Variants in PIAS2 observed in about 807,000 individuals in gnomAD.
The protein encoded by PIAS2 is E3 SUMO-protein ligase PIAS2.
PIAS2 carries 19 observed loss-of-function variants against 69.7 expected under a neutral mutation model. The observed-to-expected ratio is 0.27, with a 90% CI of 0.19 to 0.40. The LOEUF (loss-of-function observed/expected upper bound fraction) is 0.40, where lower values mean the gene tolerates loss of function less well. Among genes scored for constraint, PIAS2 ranks in the 10% least tolerant of loss-of-function variants. PIAS2 has a pLI of 1.00. For synonymous variants in PIAS2, 261 were observed against 263.2 expected, an observed-to-expected ratio of 0.99 and a Z score of 0.08; for missense variants, 624 against 757.0, an observed-to-expected ratio of 0.82 and a Z score of 2.06.
Position 46,850,962 on chromosome 18 carries a change from C to T in PIAS2, c.727-4121G>A, listed in dbSNP as rs1270644262. Among the ~76,000 whole-genome samples, 3 of 152,186 alleles carry T rather than the reference C, an allele frequency of 2.0e-5. No homozygotes were observed. In the East Asian group the frequency reaches 5.8e-4, roughly 29 times the overall value. On this transcript the variant is annotated intron_variant, in intron 5 of 13. Transcript: ENST00000585916. ...GGCTTTAGTATAATTATTATAAGCA[C>T]ACTTACATATTTGATAGTTTTGAGT...
chr18:46,869,183 A>T (rs2049947665), intron 2 of PIAS2, among the ~76,000 whole-genome samples: 1 of 152,226 alleles, frequency 6.6e-6, no homozygotes, highest in Non-Finnish European at 1.5e-5. Flanking sequence ...CGATGCTAAG[A>T]GGGACTTAAA....
chr18:46,878,080 T>A (rs1297477219), intron 2 of PIAS2, among the ~76,000 whole-genome samples: 2 of 152,224 alleles, frequency 1.3e-5, no homozygotes, highest in African/African-American at 2.4e-5. Context: ...TTTTCCTCTT[T>A]ATAAATTTTT....
chr18:46,895,075 GA>G (rs112927638), intron 1 of PIAS2, among the ~76,000 whole-genome samples: 1,392 of 121,466 alleles, frequency 0.011, 8 homozygotes, highest in African/African-American at 0.027. Flanking sequence ...CTCCATCTCG[GA>G]AAAAAAAAAA....
At chr18:46,872,089 G>A (rs966612506) in intron 2 of PIAS2, among the ~76,000 whole-genome samples, 12 of 152,118 alleles carry the variant, frequency 7.9e-5, no homozygotes, top group East Asian at 5.8e-4. Flanking sequence ...TGTAGTCGAA[G>A]GTCTCATTCA....
At chr18:46,916,980 T>G (rs545061490) in intron 1 of PIAS2, 1 of 985,900 alleles carries the variant, frequency 1.0e-6, no homozygotes, top group Admixed American at 6.1e-5. Flanking sequence ...AGATCAAACG[T>G]TGCTTCCCAC....
At chr18:46,887,678 T>C (rs536268897) in intron 2 of PIAS2, among the ~76,000 whole-genome samples, 21 of 152,284 alleles carry the variant, frequency 1.4e-4, no homozygotes, top group Non-Finnish European at 2.4e-4. Flanking sequence ...AAATTAAATA[T>C]AAAAGGTTTA....
In PIAS2 at chr18:46,890,965, C is replaced by G; in HGVS notation, c.114G>C (p.Leu38=). The change falls in exon 2 of 14, where the codon CTG becomes CTC. Residue 38 remains leucine, a synonymous_variant. Coordinates refer to ENST00000585916, the MANE Select transcript of PIAS2 (RefSeq NM_004671.5). ...TCTTCAATAAATGCAGCGCCCTCAT[C>G]AGGAGGTCATGCTTGCGTCCACTTT... ...RNKSGRKHDL[L]MRALHLLKSG... 1 of 1,614,144 alleles carries G rather than the reference C, an allele frequency of 6.2e-7. No homozygotes were observed. Among genetic ancestry groups the G allele is most frequent in the Non-Finnish European group, 8.5e-7 (1 of 1,180,022 alleles).
intron 9 of PIAS2, among the ~76,000 whole-genome samples, chr18:46,833,959 C>G (rs951613896): frequency 5.3e-5 from 8 of 152,136 alleles, no homozygotes; most frequent in Non-Finnish European, 1.0e-4. Flanking sequence ...GTTCCTTCCT[C>G]ATCCCCAATT....
intron 9 of PIAS2, among the ~76,000 whole-genome samples, chr18:46,831,860 A>G (rs1290176163): frequency 6.6e-6 from 1 of 152,192 alleles, no homozygotes; most frequent in African/African-American, 2.4e-5. Context: ...TTCTACAGGA[A>G]GCTCAGAAAA....
chr18:46,827,755 C>T (rs1483278551), intron 11 of PIAS2: 4 of 474,940 alleles, frequency 8.4e-6, no homozygotes, highest in South Asian at 4.4e-5. Flanking sequence ...CTCACACGCT[C>T]ACTTTCCAAA....
chr18:46,881,888 A>C (rs1337219236), intron 2 of PIAS2, among the ~76,000 whole-genome samples: 2 of 152,166 alleles, frequency 1.3e-5, no homozygotes, highest in African/African-American at 4.8e-5. Flanking sequence ...CACGAGGTCA[A>C]GAGTTCCAGA....
chr18:46,916,926 G>A, intron 1 of PIAS2: 2 of 985,548 alleles, frequency 2.0e-6, no homozygotes, highest in Non-Finnish European at 1.2e-6. Context: ...GTAGCATGCA[G>A]ACTTGTGAAT....
chr18:46,893,061 C>T (rs1487490392), intron 1 of PIAS2, among the ~76,000 whole-genome samples: 2 of 152,082 alleles, frequency 1.3e-5, no homozygotes, highest in Admixed American at 1.3e-4. Flanking sequence ...AGAACACATA[C>T]CACAATGTGT....
intron 5 of PIAS2, among the ~76,000 whole-genome samples, chr18:46,854,269 G>A (rs1324920709): frequency 6.6e-6 from 1 of 152,132 alleles, no homozygotes; most frequent in African/African-American, 2.4e-5. Context: ...CGTGAGTACT[G>A]CTCATATATT....
At chr18:46,835,950 G>C (rs1395635610) in intron 9 of PIAS2, among the ~76,000 whole-genome samples, 1 of 152,010 alleles carries the variant, frequency 6.6e-6, no homozygotes, top group Non-Finnish European at 1.5e-5. Flanking sequence ...GAAATACCTG[G>C]GCATGAATTC....
At chr18:46,917,148 G>T in intron 1 of PIAS2, 174 bp downstream of exon 1, 1 of 1,041,866 alleles carries the variant, frequency 9.6e-7, no homozygotes, top group African/African-American at 1.7e-5. Context: ...CGTGCCCTCC[G>T]CCGGCCCGCT....
At chr18:46,870,609 C>A (rs1378250611) in intron 2 of PIAS2, among the ~76,000 whole-genome samples, 1 of 105,668 alleles carries the variant, frequency 9.5e-6, no homozygotes, top group Admixed American at 1.3e-4. Context: ...GAGCAAGACT[C>A]CGTCTCAAAA....
chr18:46,816,766 C>T (rs1356755038), intron 12 of PIAS2: 1 of 982,766 alleles, frequency 1.0e-6, no homozygotes, highest in Non-Finnish European at 1.2e-6. Context: ...CCGCACCCAG[C>T]TTGCTGTAAT....
At position 46,890,643 on chromosome 18, in the gene PIAS2, C is replaced by A; in HGVS notation, c.436G>T (p.Val146Leu). 3 of 1,614,058 alleles carry A rather than the reference C, an allele frequency of 1.9e-6. No individual in the cohort carries two copies. The highest frequency in any genetic ancestry group is 2.5e-6 in the Non-Finnish European group (3 of 1,180,000). The change falls in exon 2 of 14, where the codon GTG (valine) becomes TTG (leucine). Residue 146 changes from valine to leucine, a missense_variant. Transcript: ENST00000585916. Reference protein sequence around the residue: ...SPPIPPVHPDVQLKNLPFYDV... With the variant: ...SPPIPPVHPDLQLKNLPFYDV... ...TAAAAGGGCAGATTTTTTAACTGCA[C>A]ATCAGGATGGACAGGAGGAATTGGG...
Sources: gnomAD v4.1 joint callset for allele counts (sites outside exome capture counted in the v4.1 genomes callset) on GRCh38, gnomAD v4.1.1 for gene constraint, MANE v1.5 for transcripts, NCBI Gene and HGNC (gene_info 2026-07-23, HGNC 2026-07-21) for gene names.